CYTIP: variants seen among roughly 807,000 people sequenced by gnomAD.
The protein encoded by CYTIP is cytohesin-interacting protein.
In CYTIP, 26 loss-of-function variants were observed where a neutral mutation model predicts 43.8. The ratio of observed to expected loss-of-function variants is 0.59; its 90% confidence interval spans 0.44 to 0.82. The LOEUF (loss-of-function observed/expected upper bound fraction) is 0.82, where lower values mean the gene tolerates loss of function less well. CYTIP is among the 40% of genes least tolerant of loss of function. The pLI is 0.00. For synonymous variants in CYTIP, 162 were observed against 162.9 expected (o/e 0.99, Z 0.04); for missense variants, 426 against 443.1 (o/e 0.96, Z 0.35).
At chr2:157,420,844 C>G (rs889769882) in intron 6 of CYTIP, among the ~76,000 whole-genome samples, 1 of 152,004 alleles carries the variant, frequency 6.6e-6, no homozygotes, top group African/African-American at 2.4e-5. Context: ...GACTAGCGTC[C>G]AGTTGAGGAG....
At chr2:157,423,570 A>G (rs761577853) in intron 6 of CYTIP, among the ~76,000 whole-genome samples, 11 of 151,984 alleles carry the variant, frequency 7.2e-5, no homozygotes, top group Non-Finnish European at 1.5e-4. Flanking sequence ...AAAATGATTC[A>G]GATGGTATTA....
intron 3 of CYTIP, among the ~76,000 whole-genome samples, chr2:157,432,441 G>A (rs139835238): frequency 1.3e-3 from 191 of 152,264 alleles, no homozygotes; most frequent in Non-Finnish European, 2.0e-3. Flanking sequence ...AGATCTCATT[G>A]TCCTTTCTCA....
intron 7 of CYTIP, among the ~76,000 whole-genome samples, chr2:157,417,876 G>A (rs1455789131): frequency 3.9e-5 from 6 of 152,128 alleles, no homozygotes; most frequent in Non-Finnish European, 5.9e-5. Flanking sequence ...TCACACCCAC[G>A]TAGTGGTTTC....
rs112331549 is a variant in CYTIP at position 157,434,857 on chromosome 2, A to T, written c.175-110T>A. 386 of 325,104 alleles carry T rather than the reference A, an allele frequency of 1.2e-3. 1 individual carries two copies. Among genetic ancestry groups the T allele is most frequent in the African/African-American group, 9.2e-3 (294 of 32,108 alleles). 20.1% of individuals were successfully genotyped at this position (325,104 alleles called of 1,614,324 possible). On this transcript the variant is annotated intron_variant, in intron 1 of 7. Coordinates refer to ENST00000264192, the MANE Select transcript of CYTIP (RefSeq NM_004288.5). ...CTCTCTCTCTCTCTCTCTCACACACACACACACACACACACACACACACAC... is the reference window on the plus strand; with the variant it reads ...CTCTCTCTCTCTCTCTCTCACACACTCACACACACACACACACACACACAC...
chr2:157,444,046 C>T lies in CYTIP; in HGVS notation c.-26G>A, dbSNP rs1025470943. ...TGTGAATAAAGATCACTCCAGCTAG[C>T]ACATGGTTGAGTGGCCTTGCAGGAT... is the stretch of plus-strand genomic sequence containing the variant. On this transcript the variant is annotated 5_prime_UTR_variant, in exon 1 of 8. Transcript: ENST00000264192. 3.7e-6 allele frequency: 6 copies of T among 1,609,746 alleles called. No homozygotes were observed. The highest frequency in any genetic ancestry group is 5.1e-6 in the Non-Finnish European group (6 of 1,177,516).
chr2:157,430,593 C>T lies in CYTIP; in HGVS notation c.442G>A (p.Val148Ile), dbSNP rs138461242. ...TTTCCGGACGATCTGATCAGGTCAA[C>T]GACTTGTTTGTAGGTAAAACCTTCT... Reference protein sequence around the residue: ...STEGFTYKQVVDLIRSSGNLL... With the variant: ...STEGFTYKQVIDLIRSSGNLL... Residue 148 changes from valine (V) to isoleucine (I), a missense_variant, in exon 5 of 8, where the codon GTT becomes ATT. Val to Ile is a conservative substitution (Grantham distance 29, BLOSUM62 3). Coordinates refer to ENST00000264192, the MANE Select transcript of CYTIP (RefSeq NM_004288.5). The T allele has an allele frequency of 1.2e-4, 198 of 1,614,138 alleles. No homozygotes were observed. Among genetic ancestry groups the T allele is most frequent in the Admixed American group, 4.7e-4 (28 of 60,010 alleles).
chr2:157,431,413 C>T (rs1317457546), intron 3 of CYTIP, among the ~76,000 whole-genome samples: 1 of 152,148 alleles, frequency 6.6e-6, no homozygotes, highest in Admixed American at 6.5e-5. Context: ...TATTTTAAAT[C>T]AGAGTTCTGC....
chr2:157,440,222 C>A (rs1033978419), intron 1 of CYTIP, among the ~76,000 whole-genome samples: 2 of 152,158 alleles, frequency 1.3e-5, no homozygotes, highest in Admixed American at 1.3e-4. Flanking sequence ...GCAACTCCCA[C>A]CCACTTTTAA....
intron 1 of CYTIP, among the ~76,000 whole-genome samples, chr2:157,438,149 T>C (rs1373348691): frequency 6.6e-6 from 1 of 152,086 alleles, no homozygotes; most frequent in African/African-American, 2.4e-5. Flanking sequence ...GATGAATGGA[T>C]AAAGAAAATG....
intron 6 of CYTIP, among the ~76,000 whole-genome samples, chr2:157,425,430 T>C (rs1445622917): frequency 6.6e-6 from 1 of 152,160 alleles, no homozygotes; most frequent in Non-Finnish European, 1.5e-5. Flanking sequence ...CTGTATTTTG[T>C]ACTTTAAAAA....
At chr2:157,436,680 C>G (rs1284817909) in intron 1 of CYTIP, among the ~76,000 whole-genome samples, 2 of 151,750 alleles carry the variant, frequency 1.3e-5, no homozygotes, top group Non-Finnish European at 2.9e-5. Context: ...TGATTTGGAC[C>G]TCTTGGGGAA....
chr2:157,434,672 G>C, intron 2 of CYTIP, 26 bp downstream of exon 2: 14 of 1,563,412 alleles, frequency 9.0e-6, no homozygotes, highest in Non-Finnish European at 1.1e-5. Context: ...TTTTGGGAGA[G>C]ACAAAAAATA....
At chr2:157,442,421 T>A (rs1477587798) in intron 1 of CYTIP, among the ~76,000 whole-genome samples, 1 of 147,634 alleles carries the variant, frequency 6.8e-6, no homozygotes, top group East Asian at 2.0e-4. Flanking sequence ...ATGGAGGACA[T>A]AGAGGGTGGA....
rs367785497 is a variant in CYTIP at position 157,421,367 on chromosome 2, A to C, written c.547-2778T>G. ...AGCTATCACACATTTGTTCCAAAGAAGTTTCCAATGCTTTCAATCTACAGG... is the reference window on the plus strand; with the variant it reads ...AGCTATCACACATTTGTTCCAAAGACGTTTCCAATGCTTTCAATCTACAGG... On this transcript the variant is annotated intron_variant, in intron 6 of 7. Transcript: ENST00000264192. Among the ~76,000 whole-genome samples, 8 of 152,352 alleles carry C rather than the reference A, an allele frequency of 5.3e-5. No individual in the cohort carries two copies. The East Asian group carries it at 7.7e-4, about 15-fold the overall frequency.
At chr2:157,433,861 G>T (rs1441131971) in intron 3 of CYTIP, among the ~76,000 whole-genome samples, 3 of 152,080 alleles carry the variant, frequency 2.0e-5, no homozygotes, top group Non-Finnish European at 2.9e-5. Flanking sequence ...GCTACAAATT[G>T]CTCATTATGT....
At chr2:157,416,203 C>G in intron 7 of CYTIP, 60 bp from the exon 8 acceptor site, 1 of 1,346,702 alleles carries the variant, frequency 7.4e-7, no homozygotes. Flanking sequence ...AATAAATACA[C>G]TACATCAAAA....
chr2:157,437,979 A>C (rs1685839913), intron 1 of CYTIP, among the ~76,000 whole-genome samples: 2 of 152,172 alleles, frequency 1.3e-5, no homozygotes, highest in Non-Finnish European at 2.9e-5. Context: ...CCCTCAAACA[A>C]CTACAAATAG....
chr2:157,415,399 G>T lies in CYTIP; in HGVS notation c.*278C>A, dbSNP rs1045826431. ...AATCTAGAAAATAAATATTAGTTTT[G>T]CTTTCAAAGACATTACTGGAATGAG... On this transcript the variant is annotated 3_prime_UTR_variant, in exon 8 of 8. Coordinates refer to ENST00000264192, the MANE Select transcript of CYTIP (RefSeq NM_004288.5). 5 of 283,454 alleles carry T rather than the reference G, an allele frequency of 1.8e-5. No individual in the cohort carries two copies. The highest frequency in any genetic ancestry group is 1.4e-4 in the Admixed American group (3 of 20,996). 17.6% of individuals were successfully genotyped at this position (283,454 alleles called of 1,614,324 possible). A position where few individuals can be genotyped will look rare whatever the true frequency, so the allele number is the denominator to read the frequency against.
At chr2:157,441,505 A>G (rs1226173864) in intron 1 of CYTIP, among the ~76,000 whole-genome samples, 1 of 152,188 alleles carries the variant, frequency 6.6e-6, no homozygotes, top group Non-Finnish European at 1.5e-5. Flanking sequence ...GAGAAGGGGA[A>G]TGAGAAGACC....
Sources: gnomAD v4.1 joint callset for allele counts (sites outside exome capture counted in the v4.1 genomes callset) on GRCh38, gnomAD v4.1.1 for gene constraint, MANE v1.5 for transcripts, NCBI Gene and HGNC (gene_info 2026-07-23, HGNC 2026-07-21) for gene names.